C5orf58: variants seen among roughly 807,000 people sequenced by gnomAD.
The protein encoded by C5orf58 is chromosome 5 open reading frame 58, also known as putative uncharacterized protein C5orf58.
C5orf58 carries 2 observed loss-of-function variants against 2.9 expected under a neutral mutation model. The observed-to-expected ratio is 0.69, with a 90% confidence interval of 0.28 to 2.18. The LOEUF (loss-of-function observed/expected upper bound fraction) is 2.18. Among genes scored for constraint, C5orf58 ranks in the 30% most tolerant of loss-of-function variants. The probability of loss-of-function intolerance (pLI) is 0.13; values close to 1 mark genes in which losing one functional copy is unlikely to be tolerated. For missense variants in C5orf58, 96 were observed against 91.7 expected (o/e 1.05, Z -0.19); for synonymous variants, 37 against 33.4 (o/e 1.11, Z -0.37).
downstream of C5orf58, chr5:170,248,717 G>A (rs1403525967): frequency 6.2e-7 from 1 of 1,611,876 alleles, no homozygotes; most frequent in Admixed American, 1.7e-5. Context: ...CCTGCAGCAT[G>A]CGTTAATGTG....
intron 3 of C5orf58, among the ~76,000 whole-genome samples, chr5:170,241,251 T>C (rs112072683): frequency 6.6e-6 from 1 of 152,094 alleles, no homozygotes; most frequent in Non-Finnish European, 1.5e-5. Flanking sequence ...ATTGCCTTGG[T>C]GATGCGGGCT....
chr5:170,248,505 G>T, downstream of C5orf58: 1 of 568,840 alleles, frequency 1.8e-6, no homozygotes. Context: ...AAACATTGAA[G>T]AAGAATAAAT....
At chr5:170,236,311 T>G (rs1366987362) in intron 3 of C5orf58, among the ~76,000 whole-genome samples, 3 of 152,166 alleles carry the variant, frequency 2.0e-5, no homozygotes, top group Non-Finnish European at 4.4e-5. Context: ...TTCCTGGACT[T>G]TGATCTGTGA....
downstream of C5orf58, chr5:170,247,213 C>T (rs761580619): frequency 3.9e-5 from 6 of 152,166 alleles, no homozygotes; most frequent in East Asian, 1.9e-4. Context: ...GTTGTGTAGA[C>T]GTGTAAATGA....
chr5:170,235,193 A>C (rs1052103400), intron 3 of C5orf58, 123 bp downstream of exon 3: 39 of 593,786 alleles, frequency 6.6e-5, no homozygotes, highest in Middle Eastern at 5.4e-4. Flanking sequence ...TCTATTTCTT[A>C]ACAAATGTTT....
chr5:170,237,211 C>G (rs770620713), intron 3 of C5orf58: 12 of 398,072 alleles, frequency 3.0e-5, no homozygotes, highest in Non-Finnish European at 4.0e-5. Context: ...AGGTAGACTT[C>G]TGGTAAATGT....
chr5:170,241,347 A>T (rs1760998726), intron 3 of C5orf58, among the ~76,000 whole-genome samples: 1 of 150,378 alleles, frequency 6.6e-6, no homozygotes, highest in Non-Finnish European at 1.5e-5. Context: ...GATGGCATTG[A>T]ATCTATAAAT....
rs1284119542 is a variant in C5orf58, at chr5:170,245,272, A to G, written c.95-690A>G. Among the ~76,000 whole-genome samples, 3 of 152,340 alleles carry G rather than the reference A, an allele frequency of 2.0e-5. No homozygotes were observed. The East Asian group carries it at 5.8e-4, about 29-fold the overall frequency. On this transcript the variant is annotated intron_variant, in intron 3 of 3. Coordinates refer to ENST00000593851, the MANE Select transcript of C5orf58 (RefSeq NM_001102609.3). ...AGAGGTGGAGCCTACAGAGGCAGGCAGGCCTCTTTGAGCTGTGGTGGGCTC... is the reference window on the plus strand; with the variant it reads ...AGAGGTGGAGCCTACAGAGGCAGGCGGGCCTCTTTGAGCTGTGGTGGGCTC...
intron 3 of C5orf58, among the ~76,000 whole-genome samples, chr5:170,240,784 A>G (rs935637720): frequency 1.3e-5 from 2 of 149,288 alleles, no homozygotes; most frequent in African/African-American, 2.5e-5. Flanking sequence ...GTTTAATTAG[A>G]TCCCATTTGT....
downstream of C5orf58, among the ~76,000 whole-genome samples, chr5:170,250,159 C>T (rs1761401781): frequency 6.6e-6 from 1 of 152,154 alleles, no homozygotes; most frequent in Non-Finnish European, 1.5e-5. Context: ...TTGTTAGTTT[C>T]CTTTGCGAAA....
At chr5:170,233,080 C>T in intron 1 of C5orf58, 73 bp downstream of exon 1, 1 of 707,532 alleles carries the variant, frequency 1.4e-6, no homozygotes, top group Non-Finnish European at 1.7e-6. Context: ...CTGAAATTTC[C>T]AGGCTGCCCG....
chr5:170,250,209 C>G (rs189620140), downstream of C5orf58, among the ~76,000 whole-genome samples: 1 of 152,270 alleles, frequency 6.6e-6, no homozygotes, highest in Non-Finnish European at 1.5e-5. Context: ...TTCTGATTAG[C>G]ACTCAAAAAG....
chr5:170,233,117 G>T, intron 1 of C5orf58, 110 bp downstream of exon 1: 4 of 346,540 alleles, frequency 1.2e-5, no homozygotes, highest in Non-Finnish European at 1.2e-5. Flanking sequence ...CACCCAACGG[G>T]TGGGCGGTGG....
At chr5:170,247,063 A>G (rs1279562217), downstream of C5orf58, 2 of 152,210 alleles carry the variant, frequency 1.3e-5, no homozygotes, top group Admixed American at 1.3e-4. Flanking sequence ...TTTGAATTGT[A>G]AAGATAGAAT....
chr5:170,250,593 A>G (rs1761413397), downstream of C5orf58: 2 of 679,720 alleles, frequency 2.9e-6, no homozygotes, highest in African/African-American at 1.8e-5. Context: ...TTCTCTTCCA[A>G]TAAATGAAGG....
chr5:170,235,869 A>T lies in C5orf58; in HGVS notation c.94+799A>T, dbSNP rs185424670. On this transcript the variant is annotated intron_variant, in intron 3 of 3. Transcript: ENST00000593851. ...CTTAACTTATACAATAAGGAAAAAC[A>T]AGAAGATCCAAGGTAGCAGAGCCCT... Among the ~76,000 whole-genome samples, 36 of 152,330 alleles carry T rather than the reference A, an allele frequency of 2.4e-4. No homozygotes were observed. The East Asian group carries it at 6.4e-3, about 27-fold the overall frequency.
intron 3 of C5orf58, among the ~76,000 whole-genome samples, chr5:170,241,511 C>T (rs201544043): frequency 0.031 from 4,422 of 143,790 alleles, 213 homozygotes; most frequent in African/African-American, 0.11. Flanking sequence ...TAAGTTGGAT[C>T]CCTAGGTATT....
intron 3 of C5orf58, among the ~76,000 whole-genome samples, chr5:170,239,529 A>T (rs77837697): frequency 5.1e-5 from 7 of 138,308 alleles, no homozygotes; most frequent in African/African-American, 2.2e-4. Flanking sequence ...AGTGAGCTAT[A>T]AAAAAAAAAA....
downstream of C5orf58, chr5:170,248,289 G>A (rs1353747261): frequency 6.3e-6 from 1 of 159,116 alleles, no homozygotes; most frequent in East Asian, 1.9e-4. Flanking sequence ...GCCTCTGACT[G>A]ACAGAGGTTT....
Sources: allele counts gnomAD v4.1 joint callset (sites outside exome capture counted in the v4.1 genomes callset), GRCh38; gene constraint gnomAD v4.1.1; transcripts MANE v1.5; gene names NCBI Gene and HGNC (gene_info 2026-07-23, HGNC 2026-07-21).